The following THSD7A variants were observed in gnomAD, a reference collection of about 807,000 sequenced individuals.
THSD7A encodes thrombospondin type-1 domain-containing protein 7A.
Under a neutral mutation model 231.3 loss-of-function variants are expected in THSD7A, and 96 were observed. That is an observed-to-expected ratio of 0.41 (90% CI 0.35 to 0.49). The LOEUF is 0.49. THSD7A is among the 20% of genes least tolerant of loss of function. The pLI, the probability that THSD7A is intolerant of heterozygous loss-of-function variation, is 0.05. For missense variants in THSD7A, 2,290 were observed against 2,070.2 expected, an observed-to-expected ratio of 1.11 and a Z score of -2.06; for synonymous variants, 940 against 743.3, an observed-to-expected ratio of 1.26 and a Z score of -4.30.
intron 23 of THSD7A, among the ~76,000 whole-genome samples, chr7:11,396,052 T>C (rs1426896964): frequency 6.6e-6 from 1 of 152,034 alleles, no homozygotes; most frequent in Non-Finnish European, 1.5e-5. Flanking sequence ...ACTGGGTAAA[T>C]AACAAAACTA....
Position 11,406,346 on chromosome 7 carries a change from A to G in THSD7A, c.4191T>C (p.Gly1397=), listed in dbSNP as rs1245128355. ...ATTCCTCCAGAACCATATTTTTATT[A>G]CCATCTATAATGAGTTCAATGTCAG... ...FCADIELIID[G]NKNMVLEESC... is the part of the protein sequence containing the mutation. The change falls in exon 22 of 28, where the codon GGT becomes GGC. Residue 1397 remains glycine, a synonymous_variant. Coordinates refer to ENST00000423059, the MANE Select transcript of THSD7A (RefSeq NM_015204.3). The surrounding 1 kb of genome is among the most constrained non-coding windows in gnomAD (Gnocchi z 4.7). The G allele has an allele frequency of 6.2e-7, 1 of 1,613,372 alleles. No homozygotes were observed. The highest frequency in any genetic ancestry group is 1.1e-5 in the South Asian group (1 of 90,970).
intron 4 of THSD7A, among the ~76,000 whole-genome samples, chr7:11,568,624 C>CAAA (rs33930587): frequency 4.3e-4 from 21 of 48,984 alleles, no homozygotes; most frequent in South Asian, 1.3e-3. Flanking sequence ...AACTCCGTCT[C>CAAA]AAAAAAAAAA....
At position 11,637,007 on chromosome 7, in the gene THSD7A, A is replaced by G; in HGVS notation, c.191-46T>C. The stretch of plus-strand genomic sequence containing the variant: ...AAATTAGCAGTGCTACTAGAAGAAA[A>G]CTACAAGTTACTGCACATTCCAGAA... On this transcript the variant is annotated intron_variant, in intron 1 of 27. Transcript: ENST00000423059. The surrounding 1 kb of genome is among the most constrained non-coding windows in gnomAD (Gnocchi z 4.2). 1 of 1,519,202 alleles carries G rather than the reference A, an allele frequency of 6.6e-7. No homozygotes were observed. Among genetic ancestry groups the G allele is most frequent in the Non-Finnish European group, 8.9e-7 (1 of 1,126,794 alleles). The allele number at this position is 1,519,202 out of a possible 1,614,324, so 94.1% of individuals were successfully genotyped here.
chr7:11,468,950 T>A (rs932070525), intron 9 of THSD7A, among the ~76,000 whole-genome samples: 2 of 152,140 alleles, frequency 1.3e-5, no homozygotes, highest in African/African-American at 4.8e-5. Flanking sequence ...GAAAATCATG[T>A]TTCAACTATA....
At chr7:11,662,311 G>A (rs563195764) in intron 1 of THSD7A, among the ~76,000 whole-genome samples, 1 of 151,232 alleles carries the variant, frequency 6.6e-6, no homozygotes, top group Non-Finnish European at 1.5e-5. Context: ...ATACAGATTG[G>A]TAAGTTTTAA....
In THSD7A at chr7:11,637,789, T is replaced by G. The variant is rs1400461217; in HGVS notation, c.191-828A>C. 1.3e-5 allele frequency among the ~76,000 whole-genome samples: 2 copies of G among 152,220 alleles called. No individual in the cohort carries two copies. The highest frequency in any genetic ancestry group is 4.8e-5 in the African/African-American group (2 of 41,458). ...GCTTTAATATGAAATATGGGTTTTT[T>G]TCTGTGAAATCCTTCTTAGAATAAA... On this transcript the variant is annotated intron_variant, in intron 1 of 27. Transcript: ENST00000423059. This position sits in a 1 kb window ranked among gnomAD's most constrained non-coding sequence, Gnocchi z 4.2.
chr7:11,647,618 T>C (rs1782331879), intron 1 of THSD7A, among the ~76,000 whole-genome samples: 1 of 152,114 alleles, frequency 6.6e-6, no homozygotes, highest in Non-Finnish European at 1.5e-5. Flanking sequence ...AGCAATATTA[T>C]TCATACATAA....
At chr7:11,793,357 A>G (rs754898664) in intron 1 of THSD7A, among the ~76,000 whole-genome samples, 4 of 151,962 alleles carry the variant, frequency 2.6e-5, no homozygotes, top group Non-Finnish European at 5.9e-5. Context: ...AAGCTACAAC[A>G]TACAGGAACT....
intron 6 of THSD7A, among the ~76,000 whole-genome samples, chr7:11,516,519 T>C (rs553440646): frequency 2.2e-4 from 33 of 152,320 alleles, no homozygotes; most frequent in African/African-American, 7.9e-4. Flanking sequence ...CAAAAGCCCA[T>C]TGACCTTGCC....
chr7:11,438,237 T>TA (rs1366764650), intron 13 of THSD7A, among the ~76,000 whole-genome samples: 2 of 152,032 alleles, frequency 1.3e-5, no homozygotes, highest in Non-Finnish European at 2.9e-5. Context: ...GTAGACTGCT[T>TA]AGGCTATTAG....
chr7:11,719,641 AACTCC>A, intron 1 of THSD7A, among the ~76,000 whole-genome samples: 1 of 151,492 alleles, frequency 6.6e-6, no homozygotes, highest in Admixed American at 6.6e-5. Context: ...TCTCCTCCTC[AACTCC>A]ACTCCAGTCA....
At chr7:11,659,535 C>A (rs1275395069) in intron 1 of THSD7A, among the ~76,000 whole-genome samples, 1 of 151,172 alleles carries the variant, frequency 6.6e-6, no homozygotes, top group Non-Finnish European at 1.5e-5. Flanking sequence ...AGATCTCTTC[C>A]CTATTATTAT....
At chr7:11,755,731 G>C (rs1467960006) in intron 1 of THSD7A, among the ~76,000 whole-genome samples, 1 of 152,090 alleles carries the variant, frequency 6.6e-6, no homozygotes, top group Non-Finnish European at 1.5e-5. Flanking sequence ...GAGCAGACCA[G>C]GGGAAGGGTT....
intron 4 of THSD7A, among the ~76,000 whole-genome samples, chr7:11,579,038 A>G (rs541599167): frequency 1.3e-5 from 2 of 152,256 alleles, no homozygotes; most frequent in African/African-American, 2.4e-5. Flanking sequence ...AATAAGAGGC[A>G]ATTTTAGTGG....
At chr7:11,698,240 C>A (rs1303548713) in intron 1 of THSD7A, among the ~76,000 whole-genome samples, 1 of 151,300 alleles carries the variant, frequency 6.6e-6, no homozygotes, top group Non-Finnish European at 1.5e-5. Flanking sequence ...TAACACAGGT[C>A]TGATTTTTGG....
In THSD7A at chr7:11,460,542, T is replaced by C. The variant is rs147094673; in HGVS notation, c.2605+120A>G. On this transcript the variant is annotated intron_variant, in intron 11 of 27. Transcript: ENST00000423059. ...TCCTGATGTTTTGTGGAATGGCTCA[T>C]AGCAGATTTATATCTGCTTTGCTCT... 8.0e-5 allele frequency: 52 copies of C among 653,452 alleles called. 2 individuals carry two copies. The highest frequency in any genetic ancestry group is 6.3e-4 in the African/African-American group (34 of 53,742). The allele number at this position is 653,452 out of a possible 1,614,324, so 40.5% of individuals were successfully genotyped here. A position where few individuals can be genotyped will look rare whatever the true frequency, so the allele number is the denominator to read the frequency against.
intron 4 of THSD7A, among the ~76,000 whole-genome samples, chr7:11,551,725 G>A (rs1789635373): frequency 6.6e-6 from 1 of 152,058 alleles, no homozygotes; most frequent in African/African-American, 2.4e-5. Context: ...TAAGAAAAGA[G>A]AACACTTATA....
At chr7:11,726,977 A>G (rs1781568855) in intron 1 of THSD7A, among the ~76,000 whole-genome samples, 1 of 151,970 alleles carries the variant, frequency 6.6e-6, no homozygotes, top group African/African-American at 2.4e-5. Flanking sequence ...TGGAGCTCTG[A>G]CAAGAGCGAC....
chr7:11,636,707 C>A lies in THSD7A; in HGVS notation c.445G>T (p.Gly149Trp). The change falls in exon 2 of 28, where the codon GGG (glycine) becomes TGG (tryptophan). Residue 149 changes from glycine to tryptophan, a missense_variant. Gly to Trp is a radical substitution (Grantham distance 184, BLOSUM62 -2). Transcript: ENST00000423059. This position sits in a 1 kb window ranked among gnomAD's most constrained non-coding sequence, Gnocchi z 10.0. Reference sequence around the variant, plus strand: ...TCCCTCACCTGAATACCTTCTTCCCCCTTAATGCACTCAAGAGGTTTCTCT... The same window carrying A: ...TCCCTCACCTGAATACCTTCTTCCCACTTAATGCACTCAAGAGGTTTCTCT... ...SLEKPLECIKGEEGIQVREIA... is the reference protein window; with the variant it reads ...SLEKPLECIKWEEGIQVREIA... 1 of 1,613,994 alleles carries A rather than the reference C, an allele frequency of 6.2e-7. No homozygotes were observed.
Sources: gnomAD v4.1 joint callset for allele counts (sites outside exome capture counted in the v4.1 genomes callset) on GRCh38, gnomAD v4.1.1 for gene constraint, Gnocchi (gnomAD v3.1) non-coding constraint, MANE v1.5 for transcripts, NCBI Gene and HGNC (gene_info 2026-07-23, HGNC 2026-07-21) for gene names.